Variants in ZP4 observed in about 807,000 individuals in gnomAD.
ZP4 encodes zona pellucida sperm-binding protein 4.
In ZP4, 62 loss-of-function variants were observed where a neutral mutation model predicts 62.3. That is an observed-to-expected ratio of 0.99 (90% confidence interval 0.81 to 1.23). ZP4 has a LOEUF of 1.23. ZP4 is among the 50% of genes most tolerant of loss of function. ZP4 has a pLI of 0.00. For synonymous variants in ZP4, 289 were observed against 247.3 expected, an observed-to-expected ratio of 1.17 and a Z score of -1.58; for missense variants, 774 against 656.0, an observed-to-expected ratio of 1.18 and a Z score of -1.97.
At position 237,884,051 on chromosome 1, in the gene ZP4, CAAACACACACAA is replaced by C. The variant is rs1665035038; in HGVS notation, c.1390+706_1390+717del. 8.8e-5 allele frequency among the ~76,000 whole-genome samples: 12 copies of C among 135,700 alleles called. 1 individual carries two copies. Among genetic ancestry groups the C allele is most frequent in the African/African-American group, 3.8e-4 (11 of 29,094 alleles). The allele number at this position is 135,700 out of a possible 152,430, so 89.0% of individuals were successfully genotyped here. A position where few individuals can be genotyped will look rare whatever the true frequency, so the allele number is the denominator to read the frequency against. On this transcript the variant is annotated intron_variant, in intron 10 of 11. Coordinates refer to ENST00000366570, the MANE Select transcript of ZP4 (RefSeq NM_021186.5). ...ACACACAAACACACACAAACACACACAAACACACACAAACACACACAAACACACACAAACACA... is the reference window on the plus strand; with the variant it reads ...ACACACAAACACACACAAACACACACACACACACAAACACACACAAACACA...
Position 237,885,270 on chromosome 1 carries a change from G to T in ZP4, c.1206C>A (p.Val402=). 6.2e-7 allele frequency: 1 copy of T among 1,614,162 alleles called. No homozygotes were observed. ...GDNYQTQLIP[V]QKALDLPFPS... ...GAAATGGAAGATCCAAGGCTTTCTG[G>T]ACAGGGATCAGCTGGGTCTGATAGT... The change falls in exon 9 of 12, where the codon GTC becomes GTA. Residue 402 remains valine (V), a synonymous_variant. Coordinates refer to ENST00000366570, the MANE Select transcript of ZP4 (RefSeq NM_021186.5).
At chr1:237,886,308 C>A (rs973372672) in intron 6 of ZP4, among the ~76,000 whole-genome samples, 3 of 151,918 alleles carry the variant, frequency 2.0e-5, no homozygotes, top group African/African-American at 7.3e-5. Context: ...GAGTAAGGGA[C>A]TGAGAATGTT....
At chr1:237,887,667 T>A in intron 4 of ZP4, 106 bp from the exon 5 acceptor site, 1 of 1,206,668 alleles carries the variant, frequency 8.3e-7, no homozygotes, top group Non-Finnish European at 1.2e-6. Context: ...GAGAAGCTGG[T>A]GACAACTTCC....
At chr1:237,889,348 C>T (rs1323107739) in intron 3 of ZP4, among the ~76,000 whole-genome samples, 1 of 136,380 alleles carries the variant, frequency 7.3e-6, no homozygotes, top group Non-Finnish European at 1.5e-5. Context: ...GACAGGGTTT[C>T]GCTCTTGTTG....
chr1:237,889,620 GTA>G (rs1277487437), intron 3 of ZP4, among the ~76,000 whole-genome samples: 7 of 152,134 alleles, frequency 4.6e-5, no homozygotes, highest in African/African-American at 1.7e-4. Context: ...GCCAGCAGTA[GTA>G]TTTGCAGCAC....
rs1459678355 is a variant in ZP4, at chr1:237,886,783, T to A, written c.827A>T (p.Asp276Val). The change falls in exon 6 of 12, where the codon GAC becomes GTC. Residue 276 changes from aspartate (D) to valine (V), a missense_variant. Coordinates refer to ENST00000366570, the MANE Select transcript of ZP4 (RefSeq NM_021186.5). Reference sequence around the variant, plus strand: ...GCCAAGCCCTTACCTGAAGATGCTGTCACGAGTGACAGAGCCACGGCTCCC... The same window carrying A: ...GCCAAGCCCTTACCTGAAGATGCTGACACGAGTGACAGAGCCACGGCTCCC... Reference protein sequence around the residue: ...KNGSRGSVTRDSIFRLHVSCS... With the variant: ...KNGSRGSVTRVSIFRLHVSCS... 5 of 1,613,996 alleles carry A rather than the reference T, an allele frequency of 3.1e-6. No individual in the cohort carries two copies. Among genetic ancestry groups the A allele is most frequent in the Non-Finnish European group, 4.2e-6 (5 of 1,179,948 alleles).
Position 237,882,802 on chromosome 1 carries a change from C to A in ZP4, c.1435G>T (p.Val479Phe). The A allele has an allele frequency of 6.2e-7, 1 of 1,614,124 alleles. No individual in the cohort carries two copies. The highest frequency in any genetic ancestry group is 1.1e-5 in the South Asian group (1 of 91,076). ...DNSSQNTTAS[V>F]SSKGPMILLQ... The stretch of plus-strand genomic sequence containing the variant: ...AGAATCATGGGGCCTTTGCTAGAAA[C>A]ACTAGCAGTAGTGTTCTGAGAACTG... Residue 479 changes from valine (V) to phenylalanine (F), a missense_variant, in exon 11 of 12, where the codon GTT becomes TTT. Physicochemically the swap from Val to Phe is conservative, Grantham distance 50. Coordinates refer to ENST00000366570, the MANE Select transcript of ZP4 (RefSeq NM_021186.5).
At chr1:237,884,067 C>CACACAAACACACACAAACACACACAA (rs1665037727) in intron 10 of ZP4, among the ~76,000 whole-genome samples, 1 of 131,582 alleles carries the variant, frequency 7.6e-6, no homozygotes, top group African/African-American at 3.4e-5. Context: ...CACACAAACA[C>CACACAAACACACACAAACACACACAA]ACACAAACAC....
At position 237,885,433 on chromosome 1, in the gene ZP4, G is replaced by C; in HGVS notation, c.1118C>G (p.Thr373Ser). ...CCACTGTGGCTGACTCAGGGGGTCA[G>C]TGCTGGGTGTTGCCCAACACTGTTG... is the stretch of plus-strand genomic sequence containing the variant. Reference protein sequence around the residue: ...LLQQCWATPSTDPLSQPQWPI... With the variant: ...LLQQCWATPSSDPLSQPQWPI... The change falls in exon 8 of 12, where the codon ACT (threonine) becomes AGT (serine). Residue 373 changes from threonine (T) to serine (S), a missense_variant. By Grantham distance (58) the Thr-to-Ser change is moderately conservative. Transcript: ENST00000366570. 1 of 1,613,904 alleles carries C rather than the reference G, an allele frequency of 6.2e-7. No homozygotes were observed. The highest frequency in any genetic ancestry group is 8.5e-7 in the Non-Finnish European group (1 of 1,179,904).
chr1:237,883,965 CAA>C (rs879386388), intron 10 of ZP4, among the ~76,000 whole-genome samples: 2,124 of 77,222 alleles, frequency 0.028, 97 homozygotes, highest in African/African-American at 0.098. Flanking sequence ...GTCACACACA[CAA>C]ACACACACAC....
chr1:237,887,708 CCA>C (rs1382575411), intron 4 of ZP4, 147 bp from the exon 5 acceptor site: 33 of 774,914 alleles, frequency 4.3e-5, no homozygotes, highest in African/African-American at 3.7e-4. Flanking sequence ...GATCAACCAA[CCA>C]CAGTTTAACC....
chr1:237,883,983 A>AC (rs1665013477), intron 10 of ZP4, among the ~76,000 whole-genome samples: 26 of 42,412 alleles, frequency 6.1e-4, no homozygotes, highest in African/African-American at 1.6e-3. Flanking sequence ...CACACACACA[A>AC]ACACACACAC....
chr1:237,884,027 C>T (rs1219544728), intron 10 of ZP4, among the ~76,000 whole-genome samples: 1 of 84,108 alleles, frequency 1.2e-5, no homozygotes, highest in African/African-American at 5.4e-5. Context: ...AACACACACA[C>T]ACACAAACAC....
Position 237,890,103 on chromosome 1 carries a change from G to A in ZP4, c.249C>T (p.Ser83=). Residue 83 remains serine, a synonymous_variant, in exon 2 of 12, where the codon AGC becomes AGT. Coordinates refer to ENST00000366570, the MANE Select transcript of ZP4 (RefSeq NM_021186.5). ...CGTWIRKGPG[S]SVVLEATYSS... is the part of the protein sequence containing the mutation. Reference sequence around the variant, plus strand: ...TATAGGTTGCCTCCAACACCACGGAGCTGCCTGGACCTTTTCTTATCCAGG... The same window carrying A: ...TATAGGTTGCCTCCAACACCACGGAACTGCCTGGACCTTTTCTTATCCAGG... 6.2e-7 allele frequency: 1 copy of A among 1,614,090 alleles called. No individual in the cohort carries two copies. The highest frequency in any genetic ancestry group is 8.5e-7 in the Non-Finnish European group (1 of 1,180,030).
chr1:237,883,714 CGGGGGAGGGCGGGGGA>C (rs1664983442), intron 10 of ZP4, among the ~76,000 whole-genome samples: 2 of 8,692 alleles, frequency 2.3e-4, no homozygotes, highest in African/African-American at 6.2e-4. Flanking sequence ...CGGGGGAGGG[CGGGGGAGGGCGGGGGA>C]GGGAGAGAGA....
chr1:237,886,707 T>G, intron 6 of ZP4, 64 bp downstream of exon 6: 1 of 1,399,898 alleles, frequency 7.1e-7, no homozygotes, highest in Non-Finnish European at 1.0e-6. Context: ...ATTTGTGGAT[T>G]CAGGGCTTAC....
At chr1:237,890,429 C>T in intron 1 of ZP4, 32 bp downstream of exon 1, 1 of 1,588,980 alleles carries the variant, frequency 6.3e-7, no homozygotes, top group Non-Finnish European at 8.6e-7. Context: ...CATATCATTG[C>T]TTGGCTAAGC....
Position 237,888,367 on chromosome 1 carries a change from C to T in ZP4, c.544G>A (p.Gly182Arg). The change falls in exon 4 of 12, where the codon GGA (glycine) becomes AGA (arginine). Residue 182 changes from glycine (G) to arginine (R), a missense_variant. By Grantham distance (125) the Gly-to-Arg change is moderately radical (BLOSUM62 -2). Coordinates refer to ENST00000366570, the MANE Select transcript of ZP4 (RefSeq NM_021186.5). ...GTGCTCACTTACTCACCAGTGTTTC[C>T]ATAGTAGCAGGAATTCACCTCTTCA... ...SSEEVNSCYY[G>R]NTVTLHCTRE... The T allele has an allele frequency of 6.3e-7, 1 of 1,582,230 alleles. No homozygotes were observed. Among genetic ancestry groups the T allele is most frequent in the Non-Finnish European group, 8.6e-7 (1 of 1,157,084 alleles).
chr1:237,885,948 T>G, intron 6 of ZP4, 62 bp from the exon 7 acceptor site: 1 of 1,600,412 alleles, frequency 6.2e-7, no homozygotes, highest in Non-Finnish European at 8.5e-7. Context: ...TACACATCCT[T>G]TCTTTTTAAC....
Sources: allele counts gnomAD v4.1 joint callset (sites outside exome capture counted in the v4.1 genomes callset), GRCh38; gene constraint gnomAD v4.1.1; transcripts MANE v1.5; gene names NCBI Gene and HGNC (gene_info 2026-07-23, HGNC 2026-07-21).